The following PTPRZ1 variants were observed in gnomAD, a reference collection of about 807,000 sequenced individuals.
PTPRZ1 encodes the protein receptor-type tyrosine-protein phosphatase zeta.
A neutral mutation model predicts 214.1 loss-of-function variants in PTPRZ1; 82 were observed. The observed-to-expected ratio is 0.38, with a 90% CI of 0.32 to 0.46. The LOEUF is 0.46. Among genes scored for constraint, PTPRZ1 ranks in the 20% least tolerant of loss-of-function variants. The pLI is 1.00. For synonymous variants in PTPRZ1, 945 were observed against 987.9 expected, an observed-to-expected ratio of 0.96 and a Z score of 0.81; for missense variants, 2,603 against 2,748.7, an observed-to-expected ratio of 0.95 and a Z score of 1.19.
At chr7:121,928,068 C>A in intron 1 of PTPRZ1, 88 bp from the exon 2 acceptor site, 1 of 909,730 alleles carries the variant, frequency 1.1e-6, no homozygotes, top group Non-Finnish European at 1.8e-6. Context: ...TAATCAAGAA[C>A]TATTTATGGT....
intron 10 of PTPRZ1, among the ~76,000 whole-genome samples, chr7:122,003,019 TTGTC>T (rs534098565): frequency 2.3e-3 from 353 of 152,324 alleles, no homozygotes; most frequent in African/African-American, 7.9e-3. Context: ...GGAAGGTCAT[TTGTC>T]TGTCACAGTT....
intron 8 of PTPRZ1, among the ~76,000 whole-genome samples, chr7:121,992,189 T>C (rs973564899): frequency 6.6e-6 from 1 of 152,182 alleles, no homozygotes; most frequent in Non-Finnish European, 1.5e-5. Flanking sequence ...CATATTTTAC[T>C]CAGAATACCT....
intron 2 of PTPRZ1, among the ~76,000 whole-genome samples, chr7:121,961,316 G>A (rs1032394692): frequency 4.6e-5 from 7 of 152,118 alleles, no homozygotes; most frequent in African/African-American, 1.7e-4. Flanking sequence ...TCTGCTCATT[G>A]GACTAAGCTG....
At chr7:122,051,706 G>T (rs184328861) in intron 24 of PTPRZ1, among the ~76,000 whole-genome samples, 160 bp from the exon 25 acceptor site, 1 of 152,158 alleles carries the variant, frequency 6.6e-6, no homozygotes, top group Non-Finnish European at 1.5e-5. Flanking sequence ...TATGCAAAAT[G>T]TATAGAAAAA....
chr7:122,001,137 A>G (rs936266190), intron 10 of PTPRZ1, among the ~76,000 whole-genome samples: 1 of 152,206 alleles, frequency 6.6e-6, no homozygotes, highest in African/African-American at 2.4e-5. Flanking sequence ...GTACAAAAGT[A>G]TCACCATAAA....
chr7:121,907,992 A>G (rs753955567), intron 1 of PTPRZ1, among the ~76,000 whole-genome samples: 2 of 152,066 alleles, frequency 1.3e-5, no homozygotes, highest in Admixed American at 1.3e-4. Flanking sequence ...AGATATTCAG[A>G]CTCTGAGTAG....
intron 10 of PTPRZ1, among the ~76,000 whole-genome samples, chr7:122,002,270 G>A (rs1798351706): frequency 6.6e-6 from 1 of 152,172 alleles, no homozygotes; most frequent in South Asian, 2.1e-4. Flanking sequence ...AGTCCAGTTG[G>A]AAACCAGAAT....
chr7:122,051,644 C>T, intron 24 of PTPRZ1, 123 bp downstream of exon 24: 1 of 892,562 alleles, frequency 1.1e-6, no homozygotes, highest in Non-Finnish European at 1.7e-6. Context: ...TTAATTTTGT[C>T]CAATATGTAA....
intron 13 of PTPRZ1, among the ~76,000 whole-genome samples, chr7:122,019,896 G>A (rs1334913757): frequency 6.6e-6 from 1 of 152,128 alleles, no homozygotes; most frequent in African/African-American, 2.4e-5. Flanking sequence ...TTTCCATCCT[G>A]TGGAAAGCAG....
At chr7:122,047,983 T>C (rs1792053459) in intron 23 of PTPRZ1, among the ~76,000 whole-genome samples, 1 of 152,056 alleles carries the variant, frequency 6.6e-6, no homozygotes, top group African/African-American at 2.4e-5. Flanking sequence ...AATAAAACTG[T>C]TAATAGATGC....
intron 11 of PTPRZ1, among the ~76,000 whole-genome samples, chr7:122,006,935 A>G (rs1359960476): frequency 6.6e-6 from 1 of 152,052 alleles, no homozygotes; most frequent in Non-Finnish European, 1.5e-5. Flanking sequence ...GGGCAAGGAG[A>G]AGGTGCAGAG....
chr7:121,884,367 T>C (rs1794335715), intron 1 of PTPRZ1, among the ~76,000 whole-genome samples: 1 of 152,232 alleles, frequency 6.6e-6, no homozygotes, highest in Admixed American at 6.5e-5. Flanking sequence ...AGTGCATATA[T>C]ATACACAAAT....
intron 21 of PTPRZ1, among the ~76,000 whole-genome samples, chr7:122,042,363 T>G (rs942308049): frequency 6.6e-6 from 1 of 152,192 alleles, no homozygotes; most frequent in Admixed American, 6.5e-5. Flanking sequence ...CCAACAGATA[T>G]AGTGAGGTTG....
intron 6 of PTPRZ1, 146 bp from the exon 7 acceptor site, chr7:121,983,519 A>G (rs948668601): frequency 2.9e-5 from 23 of 791,858 alleles, no homozygotes; most frequent in Non-Finnish European, 4.0e-5. Flanking sequence ...CAGCTTTATT[A>G]CCATTTAAAA....
At chr7:122,041,991 G>A (rs531624585) in intron 21 of PTPRZ1, among the ~76,000 whole-genome samples, 64 of 152,302 alleles carry the variant, frequency 4.2e-4, no homozygotes, top group Middle Eastern at 3.4e-3. Flanking sequence ...CCTACTTGTC[G>A]GAACATTTGA....
intron 8 of PTPRZ1, among the ~76,000 whole-genome samples, chr7:121,984,753 T>C (rs1216489242): frequency 6.6e-6 from 1 of 152,170 alleles, no homozygotes; most frequent in African/African-American, 2.4e-5. Flanking sequence ...CCAAGGGAAA[T>C]GACACCAGAG....
chr7:122,010,577 G>A lies in PTPRZ1; in HGVS notation c.1531G>A (p.Ala511Thr), dbSNP rs962400214. Residue 511 changes from alanine (A) to threonine (T), a missense_variant, in exon 12 of 30, where the codon GCC (alanine) becomes ACC (threonine). This residue lies in a region of PTPRZ1 where 1,913 missense variants were observed against 1,914.3 expected (regional missense o/e 1.00). Transcript: ENST00000393386. ...NSTSQPVTKL[A>T]TEKDISLTSQ... Reference sequence around the variant, plus strand: ...CACTTCCCAACCAGTCACTAAATTAGCCACAGAAAAAGATATTTCCTTGAC... The same window carrying A: ...CACTTCCCAACCAGTCACTAAATTAACCACAGAAAAAGATATTTCCTTGAC... The A allele has an allele frequency of 1.2e-6, 2 of 1,613,488 alleles. No individual in the cohort carries two copies. The highest frequency in any genetic ancestry group is 3.3e-5 in the Admixed American group (2 of 60,002).
At chr7:122,001,828 A>C (rs2116627878) in intron 10 of PTPRZ1, among the ~76,000 whole-genome samples, 1 of 152,324 alleles carries the variant, frequency 6.6e-6, no homozygotes, top group African/African-American at 2.4e-5. Flanking sequence ...GTGAATTCTA[A>C]GTGTTCACTC....
chr7:121,992,663 G>A (rs752837174), intron 8 of PTPRZ1, among the ~76,000 whole-genome samples: 29 of 152,130 alleles, frequency 1.9e-4, no homozygotes, highest in Non-Finnish European at 3.4e-4. Context: ...AAAACCACTC[G>A]TTACATCTGA....
Sources: gnomAD v4.1 joint callset for allele counts (sites outside exome capture counted in the v4.1 genomes callset) on GRCh38, gnomAD v4.1.1 for gene constraint, gnomAD v4.1.1 regional missense constraint, MANE v1.5 for transcripts, NCBI Gene and HGNC (gene_info 2026-07-23, HGNC 2026-07-21) for gene names.